GRIP1: variants seen among roughly 807,000 people sequenced by gnomAD.
The protein encoded by GRIP1 is glutamate receptor-interacting protein 1.
Under a neutral mutation model 129.9 loss-of-function variants are expected in GRIP1, and 45 were observed. The observed-to-expected ratio is 0.35, with a 90% CI of 0.27 to 0.44. The LOEUF (loss-of-function observed/expected upper bound fraction) is 0.44. Ranked by LOEUF, GRIP1 falls within the 20% of genes least tolerant of loss-of-function variation. The pLI, the probability that GRIP1 is intolerant of heterozygous loss-of-function variation, is 1.00. For synonymous variants in GRIP1, 530 were observed against 520.8 expected (o/e 1.02, Z -0.24); for missense variants, 1,196 against 1,396.8 (o/e 0.86, Z 2.29).
chr12:66,727,878 T>C (rs1458224130), intron 1 of GRIP1, among the ~76,000 whole-genome samples: 1 of 152,208 alleles, frequency 6.6e-6, no homozygotes, highest in Non-Finnish European at 1.5e-5. Flanking sequence ...TCCAGCCTTC[T>C]GTTGGAAAAA....
intron 1 of GRIP1, among the ~76,000 whole-genome samples, chr12:66,641,794 G>A (rs2031950967): frequency 6.6e-6 from 1 of 152,144 alleles, no homozygotes; most frequent in African/African-American, 2.4e-5. Context: ...TGCCTTATAA[G>A]GATCGCAGTG....
intron 1 of GRIP1, among the ~76,000 whole-genome samples, chr12:67,025,881 C>T (rs937737887): frequency 1.3e-5 from 2 of 152,164 alleles, no homozygotes; most frequent in Non-Finnish European, 2.9e-5. Flanking sequence ...ACAGTGCTTT[C>T]TCAGCACTTT....
chr12:66,963,158 A>C (rs2041946924), intron 1 of GRIP1, among the ~76,000 whole-genome samples: 1 of 151,982 alleles, frequency 6.6e-6, no homozygotes, highest in Non-Finnish European at 1.5e-5. Context: ...AACAAACAAA[A>C]AAAAACATTA....
intron 14 of GRIP1, among the ~76,000 whole-genome samples, chr12:66,428,874 C>T (rs868554094): frequency 2.8e-4 from 42 of 152,270 alleles, no homozygotes; most frequent in Middle Eastern, 3.4e-3. Flanking sequence ...AATCAGGATT[C>T]GCTGACTCGA....
At chr12:66,773,810 G>T (rs1403285017) in intron 1 of GRIP1, among the ~76,000 whole-genome samples, 2 of 152,040 alleles carry the variant, frequency 1.3e-5, no homozygotes, top group African/African-American at 4.8e-5. Flanking sequence ...GCAAACAGAA[G>T]TATTAAACTT....
chr12:66,368,606 A>C (rs919034003), intron 23 of GRIP1, among the ~76,000 whole-genome samples: 1 of 152,158 alleles, frequency 6.6e-6, no homozygotes, highest in African/African-American at 2.4e-5. Flanking sequence ...TCTTCAACTT[A>C]AGGAAGGTGT....
rs1411107439 is a variant in GRIP1, at chr12:66,786,389, G to A, written c.-420+17664C>T. Among the ~76,000 whole-genome samples, 5 of 152,178 alleles carry A rather than the reference G, an allele frequency of 3.3e-5. No homozygotes were observed. In the East Asian group the frequency reaches 5.8e-4, roughly 18 times the overall value. ...GGACAGACCTGGAGGGAACAGCACC[G>A]TGTCTTACAGCAAACTGCAAGACAG... On this transcript the variant is annotated intron_variant, in intron 1 of 4. Coordinates refer to the GRIP1 transcript ENST00000538373.
chr12:66,490,323 C>T (rs950607403), intron 7 of GRIP1, among the ~76,000 whole-genome samples: 2 of 152,016 alleles, frequency 1.3e-5, no homozygotes, highest in Non-Finnish European at 2.9e-5. Flanking sequence ...GAAATAAGAC[C>T]ACACACCTAC....
chr12:67,055,816 C>T (rs1229292903), intron 1 of GRIP1, among the ~76,000 whole-genome samples: 1 of 152,196 alleles, frequency 6.6e-6, no homozygotes, highest in Non-Finnish European at 1.5e-5. Context: ...CACTGGGCCA[C>T]ACTTTGAGGA....
At chr12:66,498,261 A>G in intron 7 of GRIP1, among the ~76,000 whole-genome samples, 1 of 152,224 alleles carries the variant, frequency 6.6e-6, no homozygotes, top group East Asian at 1.9e-4. Context: ...GAGTGGGACA[A>G]ATAAAAGATG....
chr12:66,655,766 C>A (rs536252002), intron 1 of GRIP1, among the ~76,000 whole-genome samples: 1 of 151,984 alleles, frequency 6.6e-6, no homozygotes, highest in Non-Finnish European at 1.5e-5. Flanking sequence ...TCCGCCACTG[C>A]GCCCAGCTAA....
At chr12:67,062,988 A>G (rs923593917) in intron 1 of GRIP1, among the ~76,000 whole-genome samples, 1 of 152,242 alleles carries the variant, frequency 6.6e-6, no homozygotes, top group Non-Finnish European at 1.5e-5. Context: ...ACATACCATT[A>G]AAATGGTAGT....
intron 5 of GRIP1, among the ~76,000 whole-genome samples, chr12:66,526,790 A>G (rs1461769482): frequency 2.0e-5 from 3 of 151,514 alleles, no homozygotes; most frequent in African/African-American, 4.9e-5. Flanking sequence ...TCTGACAAAG[A>G]GCTAATATCC....
intron 1 of GRIP1, among the ~76,000 whole-genome samples, chr12:66,710,334 A>T (rs1565980945): frequency 2.6e-5 from 4 of 152,018 alleles, no homozygotes; most frequent in Admixed American, 6.6e-5. Flanking sequence ...TAGTCTCTTT[A>T]AAAAAGTAAG....
At chr12:66,960,511 A>C (rs937340736) in intron 1 of GRIP1, among the ~76,000 whole-genome samples, 2 of 152,178 alleles carry the variant, frequency 1.3e-5, no homozygotes, top group Non-Finnish European at 2.9e-5. Context: ...ATATCCAAGA[A>C]GACATACCAC....
chr12:67,019,470 T>C (rs552684989), intron 1 of GRIP1, among the ~76,000 whole-genome samples: 8 of 152,186 alleles, frequency 5.3e-5, no homozygotes, highest in Non-Finnish European at 1.2e-4. Context: ...ATGTTAAAGA[T>C]GTACATCGTG....
chr12:66,660,545 A>T (rs567139655), intron 1 of GRIP1, among the ~76,000 whole-genome samples: 1 of 152,298 alleles, frequency 6.6e-6, no homozygotes, highest in East Asian at 1.9e-4. Context: ...TAATTACAAC[A>T]TCTTCAACAT....
intron 1 of GRIP1, among the ~76,000 whole-genome samples, chr12:66,811,238 G>A (rs556685820): frequency 2.6e-5 from 4 of 152,232 alleles, no homozygotes; most frequent in African/African-American, 9.6e-5. Context: ...AATAAGTGTA[G>A]AATGAGCATA....
intron 5 of GRIP1, among the ~76,000 whole-genome samples, chr12:66,522,619 G>T (rs2061056802): frequency 6.6e-6 from 1 of 152,206 alleles, no homozygotes; most frequent in Non-Finnish European, 1.5e-5. Context: ...ACTCTAAAAA[G>T]CAGAGTGCCT....
Sources: gnomAD v4.1 joint callset for allele counts (sites outside exome capture counted in the v4.1 genomes callset) on GRCh38, gnomAD v4.1.1 for gene constraint, MANE v1.5 for transcripts, NCBI Gene and HGNC (gene_info 2026-07-23, HGNC 2026-07-21) for gene names.